The following TTC39B variants were observed in gnomAD, a reference collection of about 807,000 sequenced individuals.
TTC39B encodes the protein tetratricopeptide repeat protein 39B.
A neutral mutation model predicts 96.6 loss-of-function variants in TTC39B; 92 were observed. The ratio of observed to expected loss-of-function variants is 0.95; its 90% CI spans 0.80 to 1.13. The LOEUF is 1.13. Ranked by LOEUF, TTC39B falls within the 50% of genes most tolerant of loss-of-function variation. TTC39B has a pLI of 0.00. For missense variants in TTC39B, 955 were observed against 809.3 expected (o/e 1.18, Z -2.18); for synonymous variants, 367 against 299.4 (o/e 1.23, Z -2.33).
chr9:15,175,585 A>G (rs200621167), intron 18 of TTC39B, among the ~76,000 whole-genome samples: 1 of 152,214 alleles, frequency 6.6e-6, no homozygotes, highest in East Asian at 1.9e-4. Flanking sequence ...TGTTTTCAGC[A>G]CTATTAGGAG....
intron 9 of TTC39B, among the ~76,000 whole-genome samples, chr9:15,192,120 C>G (rs948451504): frequency 3.9e-5 from 6 of 152,190 alleles, no homozygotes; most frequent in African/African-American, 1.4e-4. Flanking sequence ...ACTTTATTTT[C>G]TCACTAATTC....
intron 3 of TTC39B, among the ~76,000 whole-genome samples, chr9:15,218,401 G>A (rs1820644174): frequency 6.6e-6 from 1 of 151,936 alleles, no homozygotes; most frequent in Non-Finnish European, 1.5e-5. Flanking sequence ...AGAAGCAAAG[G>A]CAATGGTTGT....
Position 15,302,965 on chromosome 9 carries a change from C to A in TTC39B, c.240+4119G>T, listed in dbSNP as rs565416854. On this transcript the variant is annotated intron_variant, in intron 1 of 19. Coordinates refer to ENST00000512701, the Ensembl canonical transcript of TTC39B. ...CGGCCGGATCACGAGGTCAAGAGAT[C>A]GAGACCATCCTGGCCAACATGGTGA... Among the ~76,000 whole-genome samples the A allele has an allele frequency of 3.9e-5, 6 of 152,220 alleles. No homozygotes were observed. In the South Asian group the frequency reaches 1.0e-3, roughly 26 times the overall value.
chr9:15,210,236 C>T lies in TTC39B; in HGVS notation c.615-72G>A, dbSNP rs59456546. On this transcript the variant is annotated intron_variant, in intron 5 of 19. Transcript: ENST00000512701. The stretch of plus-strand genomic sequence containing the variant: ...TCAGGCTGAGCTCATTTTCATTTGA[C>T]GTTCATTTCAGTCACTATCACACCA... 1,645 of 1,050,854 alleles carry T rather than the reference C, an allele frequency of 1.6e-3. 17 individuals carry two copies. The African/African-American group carries it at 0.023, about 15-fold the overall frequency. The allele number at this position is 1,050,854 out of a possible 1,614,324, so 65.1% of individuals were successfully genotyped here. A position where few individuals can be genotyped will look rare whatever the true frequency, so the allele number is the denominator to read the frequency against.
chr9:15,195,544 C>A (rs1218988532), intron 8 of TTC39B, among the ~76,000 whole-genome samples: 1 of 151,808 alleles, frequency 6.6e-6, no homozygotes, highest in African/African-American at 2.4e-5. Context: ...GTGGCGCACA[C>A]CTGTAGCCTC....
chr9:15,196,461 T>C (rs1462631241), intron 8 of TTC39B, among the ~76,000 whole-genome samples: 1 of 152,208 alleles, frequency 6.6e-6, no homozygotes, highest in African/African-American at 2.4e-5. Context: ...AAGAAGTTGA[T>C]TTCAACCCTC....
intron 8 of TTC39B, 83 bp from the exon 9 acceptor site, chr9:15,192,778 T>C: frequency 2.2e-6 from 2 of 919,486 alleles, no homozygotes; most frequent in African/African-American, 1.7e-5. Context: ...ACTTATGTGC[T>C]ATAAAATAAA....
At chr9:15,304,882 C>T (rs1824708679) in intron 1 of TTC39B, among the ~76,000 whole-genome samples, 1 of 152,048 alleles carries the variant, frequency 6.6e-6, no homozygotes, top group Non-Finnish European at 1.5e-5. Flanking sequence ...CAGCTGTTTA[C>T]ACACATAAGT....
chr9:15,227,638 G>A (rs1482528017), intron 2 of TTC39B, among the ~76,000 whole-genome samples: 1 of 152,128 alleles, frequency 6.6e-6, no homozygotes, highest in Non-Finnish European at 1.5e-5. Flanking sequence ...ACTCTGGGCA[G>A]TGACCATCAG....
chr9:15,211,483 G>T (rs1820197818), intron 4 of TTC39B, 86 bp from the exon 5 acceptor site: 1 of 1,199,644 alleles, frequency 8.3e-7, no homozygotes, highest in Non-Finnish European at 1.1e-6. Flanking sequence ...GTCCTGACTT[G>T]CACAGTAACC....
intron 2 of TTC39B, among the ~76,000 whole-genome samples, chr9:15,251,179 G>A (rs1279330866): frequency 1.3e-5 from 2 of 152,124 alleles, no homozygotes; most frequent in Non-Finnish European, 2.9e-5. Context: ...CTGGATGACA[G>A]AGCGAGACTC....
At chr9:15,235,864 G>GTT (rs1252156937) in intron 2 of TTC39B, among the ~76,000 whole-genome samples, 2 of 152,102 alleles carry the variant, frequency 1.3e-5, no homozygotes, top group African/African-American at 4.8e-5. Context: ...AAAAGAACAC[G>GTT]TAAGTGCAAA....
chr9:15,305,621 T>C (rs1416022972), intron 1 of TTC39B, among the ~76,000 whole-genome samples: 1 of 151,596 alleles, frequency 6.6e-6, no homozygotes. Flanking sequence ...GGCTCTCTGC[T>C]ACTCTGAAAC....
intron 3 of TTC39B, among the ~76,000 whole-genome samples, chr9:15,215,898 A>C (rs1490696407): frequency 6.6e-6 from 1 of 152,182 alleles, no homozygotes; most frequent in African/African-American, 2.4e-5. Context: ...AAATGAAATA[A>C]AAATAAATAA....
chr9:15,178,519 G>A (rs887664410), intron 17 of TTC39B, among the ~76,000 whole-genome samples: 1 of 152,214 alleles, frequency 6.6e-6, no homozygotes, highest in African/African-American at 2.4e-5. Flanking sequence ...AGGCTGCAGT[G>A]AGCTATGATG....
intron 2 of TTC39B, among the ~76,000 whole-genome samples, chr9:15,256,837 C>T (rs1464996942): frequency 1.3e-5 from 2 of 152,126 alleles, no homozygotes; most frequent in Admixed American, 1.3e-4. Flanking sequence ...AAGAGTTGCC[C>T]TCGATGAGGC....
At position 15,186,223 on chromosome 9, in the gene TTC39B, G is replaced by C. The variant is rs138293955; in HGVS notation, c.1487+721C>G. The stretch of plus-strand genomic sequence containing the variant: ...CAAGCTTATGTTAGGTTAATTCCGG[G>C]CAAAATATGGAGCTATGGATTTTAA... On this transcript the variant is annotated intron_variant, in intron 15 of 19. Transcript: ENST00000512701. 3.2e-3 allele frequency among the ~76,000 whole-genome samples: 493 copies of C among 152,230 alleles called. 1 individual carries two copies. The highest frequency in any genetic ancestry group is 0.011 in the African/African-American group (466 of 41,536).
chr9:15,257,724 A>G (rs916393298), intron 2 of TTC39B, among the ~76,000 whole-genome samples: 3 of 150,960 alleles, frequency 2.0e-5, no homozygotes, highest in African/African-American at 7.3e-5. Context: ...CTGGGATTAC[A>G]GGCATGAGCC....
Position 15,172,574 on chromosome 9 carries a change from T to A in TTC39B, c.1959-465A>T, listed in dbSNP as rs182500213. 1.9e-4 allele frequency among the ~76,000 whole-genome samples: 29 copies of A among 152,284 alleles called. 1 individual carries two copies. Among genetic ancestry groups the A allele is most frequent in the Admixed American group, 1.3e-4 (2 of 15,290 alleles). Reference sequence around the variant, plus strand: ...CAGAATTACTTAATGACGTCAAAATTACTTATTCCAATTCTCACATGTAAA... The same window carrying A: ...CAGAATTACTTAATGACGTCAAAATAACTTATTCCAATTCTCACATGTAAA... On this transcript the variant is annotated intron_variant, in intron 19 of 19. Coordinates refer to ENST00000512701, the Ensembl canonical transcript of TTC39B.
Sources: gnomAD v4.1 joint callset for allele counts (sites outside exome capture counted in the v4.1 genomes callset) on GRCh38, gnomAD v4.1.1 for gene constraint, MANE v1.5 for transcripts, NCBI Gene and HGNC (gene_info 2026-07-23, HGNC 2026-07-21) for gene names.